Variants in RAP2C observed in about 807,000 individuals in gnomAD.
RAP2C encodes the protein RAP2C, member of RAS oncogene family, also known as ras-related protein Rap-2c.
A neutral mutation model predicts 8.9 loss-of-function variants in RAP2C; 3 were observed. The ratio of observed to expected loss-of-function variants is 0.34; its 90% CI spans 0.15 to 0.87. The LOEUF (loss-of-function observed/expected upper bound fraction) is 0.87, where lower values mean the gene tolerates loss of function less well. RAP2C is among the 40% of genes least tolerant of loss of function. The pLI, the probability that RAP2C is intolerant of heterozygous loss-of-function variation, is 0.51. For synonymous variants in RAP2C, 60 were observed against 52.1 expected, an observed-to-expected ratio of 1.15 and a Z score of -0.65; for missense variants, 76 against 133.7, an observed-to-expected ratio of 0.57 and a Z score of 2.13.
chrX:132,215,226 A>T (rs1930543879), intron 4 of RAP2C, among the ~76,000 whole-genome samples: 1 of 110,923 alleles, frequency 9.0e-6, no homozygotes, highest in Non-Finnish European at 1.9e-5. Flanking sequence ...GCAATTCTCC[A>T]GTAGCATCAG....
At chrX:132,211,744 T>C (rs1569363319) in intron 5 of RAP2C, among the ~76,000 whole-genome samples, 1 of 112,100 alleles carries the variant, frequency 8.9e-6, no homozygotes, top group Non-Finnish European at 1.9e-5. Context: ...AAACAACCAA[T>C]TAACAACAAT....
At chrX:132,216,528 C>T (rs55777715) in intron 4 of RAP2C, among the ~76,000 whole-genome samples, 1 of 3,241 alleles carries the variant, frequency 3.1e-4, no homozygotes, top group South Asian at 0.011. Context: ...AAGGGGAGGG[C>T]GGCGGGAGGG....
Position 132,203,365 on chromosome X carries a change from A to G in RAP2C, c.*2257T>C, listed in dbSNP as rs1308360036. ...TAAGCAACATGCAATCTATTGAGGAAGCTAAAATAACTTTTGGTCCCTTTT... is the reference window on the plus strand; with the variant it reads ...TAAGCAACATGCAATCTATTGAGGAGGCTAAAATAACTTTTGGTCCCTTTT... On this transcript the variant is annotated 3_prime_UTR_variant, in exon 6 of 6. Coordinates refer to ENST00000370874, the MANE Select transcript of RAP2C (RefSeq NM_001271186.2). The G allele has an allele frequency of 1.8e-5, 2 of 111,654 alleles. No individual in the cohort carries two copies. Among genetic ancestry groups the G allele is most frequent in the African/African-American group, 6.5e-5 (2 of 30,638 alleles). The allele number at this position is 111,654 out of a possible 1,213,427, so 9.2% of individuals were successfully genotyped here.
In RAP2C at chrX:132,204,976, A is replaced by G. The variant is rs772850200; in HGVS notation, c.*646T>C. ...CAATTGTAACCTTCAGAACATGTTA[A>G]TTACAAAAAAAAAAAAAAAAAAACA... On this transcript the variant is annotated 3_prime_UTR_variant, in exon 6 of 6. Transcript: ENST00000370874. 1 of 93,796 alleles carries G rather than the reference A, an allele frequency of 1.1e-5. No homozygotes were observed. Among genetic ancestry groups the G allele is most frequent in the African/African-American group, 4.0e-5 (1 of 25,171 alleles). The allele number at this position is 93,796 out of a possible 1,213,427, so 7.7% of individuals were successfully genotyped here.
chrX:132,207,503 T>C lies in RAP2C; in HGVS notation c.*35-1916A>G, dbSNP rs182611740. On this transcript the variant is annotated intron_variant, in intron 5 of 5. Transcript: ENST00000370874. Reference sequence around the variant, plus strand: ...AATACTCCTGTGAAATCAAGAGATATAGATAAATCCTGAGTTAGGCTCTAC... The same window carrying C: ...AATACTCCTGTGAAATCAAGAGATACAGATAAATCCTGAGTTAGGCTCTAC... 1.8e-3 allele frequency among the ~76,000 whole-genome samples: 201 copies of C among 111,821 alleles called. 1 individual carries two copies. Among genetic ancestry groups the C allele is most frequent in the African/African-American group, 6.3e-3 (193 of 30,819 alleles).
At chrX:132,205,721 T>C (rs1163505816) in intron 5 of RAP2C, 134 bp from the exon 6 acceptor site, 2 of 111,235 alleles carry the variant, frequency 1.8e-5, no homozygotes, top group Non-Finnish European at 3.8e-5. Context: ...AAGTTAATTT[T>C]CCCTCGTCCT....
Position 132,204,546 on chromosome X carries a change from A to T in RAP2C, c.*1076T>A, listed in dbSNP as rs1930214092. On this transcript the variant is annotated 3_prime_UTR_variant, in exon 6 of 6. Coordinates refer to ENST00000370874, the MANE Select transcript of RAP2C (RefSeq NM_001271186.2). ...CACAGATTTTGTCTCTAATACGAAC[A>T]TGCTTCTTGAGAAATAACTAAAAAG... The T allele has an allele frequency of 8.9e-6, 1 of 112,504 alleles. No individual in the cohort carries two copies. The highest frequency in any genetic ancestry group is 2.8e-4 in the East Asian group (1 of 3,620). 9.3% of individuals were successfully genotyped at this position (112,504 alleles called of 1,213,427 possible).
chrX:132,213,945 G>A (rs964622806), intron 5 of RAP2C, among the ~76,000 whole-genome samples, 189 bp downstream of exon 5: 5 of 111,965 alleles, frequency 4.5e-5, no homozygotes, highest in Non-Finnish European at 9.4e-5. Flanking sequence ...TCTTATCTCC[G>A]CTTTGCTTAT....
intron 4 of RAP2C, among the ~76,000 whole-genome samples, chrX:132,215,702 A>G (rs773623142): frequency 1.3e-3 from 142 of 112,040 alleles, no homozygotes; most frequent in Non-Finnish European, 2.0e-3. Flanking sequence ...GAGTAAGCTG[A>G]TAGAATAACA....
In RAP2C at chrX:132,217,086, A is replaced by G; in HGVS notation, c.183T>C (p.Thr61=). The G allele has an allele frequency of 8.3e-7, 1 of 1,198,432 alleles. No homozygotes were observed. The highest frequency in any genetic ancestry group is 3.0e-5 in the East Asian group (1 of 33,044). ...GATCTCTCATGGAGGCAAACTGCTCAGTTCCTGCGGTGTCCAGAATTTCCA... is the reference window on the plus strand; with the variant it reads ...GATCTCTCATGGAGGCAAACTGCTCGGTTCCTGCGGTGTCCAGAATTTCCA... The part of the protein sequence containing the change: ...SVLEILDTAG[T]EQFASMRDLY... The change falls in exon 4 of 6, where the codon ACT becomes ACC. Residue 61 remains threonine, a synonymous_variant. Coordinates refer to ENST00000370874, the MANE Select transcript of RAP2C (RefSeq NM_001271186.2).
chrX:132,217,895 G>T (rs1474254789), intron 3 of RAP2C, 21 bp downstream of exon 3: 1 of 111,745 alleles, frequency 8.9e-6, no homozygotes. Context: ...CTCCCACCCG[G>T]ATCAAGCTAC....
intron 5 of RAP2C, among the ~76,000 whole-genome samples, chrX:132,212,585 T>C (rs934760123): frequency 1.8e-5 from 2 of 112,330 alleles, no homozygotes; most frequent in Non-Finnish European, 3.8e-5. Flanking sequence ...TTTAAAAAGA[T>C]GATAAAACTA....
chrX:132,211,753 A>G (rs1930435487), intron 5 of RAP2C, among the ~76,000 whole-genome samples: 1 of 112,366 alleles, frequency 8.9e-6, no homozygotes, highest in Admixed American at 9.4e-5. Flanking sequence ...ATTAACAACA[A>G]TAACAGTGTT....
intron 5 of RAP2C, among the ~76,000 whole-genome samples, chrX:132,208,462 A>G (rs1454398817): frequency 9.0e-6 from 1 of 110,795 alleles, no homozygotes; most frequent in Non-Finnish European, 1.9e-5. Context: ...TTAGCATTTT[A>G]TTTACAAGTT....
At chrX:132,210,991 G>A (rs1436873617) in intron 5 of RAP2C, among the ~76,000 whole-genome samples, 1 of 109,993 alleles carries the variant, frequency 9.1e-6, no homozygotes, top group Non-Finnish European at 1.9e-5. Flanking sequence ...CATCTTCAAA[G>A]CCTGATTCAA....
chrX:132,219,236 T>TA (rs1930783697), intron 1 of RAP2C, 134 bp downstream of exon 1: 1 of 111,806 alleles, frequency 8.9e-6, no homozygotes, highest in South Asian at 3.7e-4. Context: ...TTCCCTTACT[T>TA]ACAAGCCCTA....
chrX:132,213,330 C>T (rs777322770), intron 5 of RAP2C, among the ~76,000 whole-genome samples: 8 of 110,593 alleles, frequency 7.2e-5, no homozygotes, highest in Admixed American at 4.8e-4. Flanking sequence ...TTAAATGCTT[C>T]GTAAGTTTTA....
intron 5 of RAP2C, 139 bp from the exon 6 acceptor site, chrX:132,205,726 C>T (rs918025046): frequency 2.7e-5 from 3 of 110,712 alleles, no homozygotes; most frequent in Admixed American, 9.7e-5. Flanking sequence ...AATTTTCCCT[C>T]GTCCTGATAA....
In RAP2C at chrX:132,217,725, C is replaced by A. The variant is rs1449303873; in HGVS notation, c.-457G>T. The A allele has an allele frequency of 8.6e-6, 1 of 115,835 alleles. No individual in the cohort carries two copies. Among genetic ancestry groups the A allele is most frequent in the African/African-American group, 3.2e-5 (1 of 31,293 alleles). The allele number at this position is 115,835 out of a possible 1,213,427, so 9.5% of individuals were successfully genotyped here. A position where few individuals can be genotyped will look rare whatever the true frequency, so the allele number is the denominator to read the frequency against. Reference sequence around the variant, plus strand: ...CCGCTTCCTGCTCGCGCAGCCCAGCCGGCTCAGGCCTGAGGGCTCCGTTCC... The same window carrying A: ...CCGCTTCCTGCTCGCGCAGCCCAGCAGGCTCAGGCCTGAGGGCTCCGTTCC... On this transcript the variant is annotated 5_prime_UTR_variant, in exon 4 of 6. Transcript: ENST00000370874.
Sources: allele counts gnomAD v4.1 joint callset (sites outside exome capture counted in the v4.1 genomes callset), GRCh38; gene constraint gnomAD v4.1.1; transcripts MANE v1.5; gene names NCBI Gene and HGNC (gene_info 2026-07-23, HGNC 2026-07-21).